Variants in PTPRT observed in about 807,000 individuals in gnomAD.
PTPRT encodes protein tyrosine phosphatase receptor type T.
In PTPRT, 56 loss-of-function variants were observed where a neutral mutation model predicts 176.8. The ratio of observed to expected loss-of-function variants is 0.32; its 90% CI spans 0.26 to 0.40. The LOEUF (loss-of-function observed/expected upper bound fraction) is 0.40, where lower values mean the gene tolerates loss of function less well. Among genes scored for constraint, PTPRT ranks in the 10% least tolerant of loss-of-function variants. PTPRT has a pLI of 1.00. For synonymous variants in PTPRT, 783 were observed against 739.0 expected, an observed-to-expected ratio of 1.06 and a Z score of -0.96; for missense variants, 1,540 against 1,908.2, an observed-to-expected ratio of 0.81 and a Z score of 3.60.
intron 1 of PTPRT, among the ~76,000 whole-genome samples, chr20:43,117,924 C>A (rs2013118710): frequency 6.6e-6 from 1 of 152,156 alleles, no homozygotes; most frequent in East Asian, 1.9e-4. Context: ...AACTAGATAG[C>A]ATCGACATTC....
chr20:42,788,712 C>A (rs978160541), intron 3 of PTPRT, among the ~76,000 whole-genome samples: 3 of 152,206 alleles, frequency 2.0e-5, no homozygotes, highest in Non-Finnish European at 4.4e-5. Context: ...CAAGGCATTA[C>A]AAGAGATAGC....
intron 1 of PTPRT, among the ~76,000 whole-genome samples, chr20:43,069,191 C>T (rs1485593989): frequency 6.6e-6 from 1 of 152,138 alleles, no homozygotes; most frequent in Non-Finnish European, 1.5e-5. Context: ...GAGCTCCCTT[C>T]CCAAAATTCA....
At chr20:42,103,921 T>A (rs1187835078) in intron 25 of PTPRT, among the ~76,000 whole-genome samples, 2 of 152,224 alleles carry the variant, frequency 1.3e-5, no homozygotes, top group African/African-American at 4.8e-5. Context: ...TGTTCTGGAA[T>A]AGATTCTGCA....
At chr20:42,091,784 GGAGAAAGAGA>G (rs1984644018) in intron 27 of PTPRT, among the ~76,000 whole-genome samples, 1 of 151,054 alleles carries the variant, frequency 6.6e-6, no homozygotes. Context: ...AGGGACAGAG[GGAGAAAGAGA>G]GGGAGAGAGA....
chr20:42,826,432 C>T (rs1327145383), intron 2 of PTPRT, among the ~76,000 whole-genome samples: 3 of 152,134 alleles, frequency 2.0e-5, no homozygotes, highest in East Asian at 3.9e-4. Flanking sequence ...AATTTTAGTG[C>T]CAATCTCTTA....
chr20:43,136,125 T>C (rs2013824060), intron 1 of PTPRT, among the ~76,000 whole-genome samples: 1 of 152,230 alleles, frequency 6.6e-6, no homozygotes, highest in Admixed American at 6.5e-5. Context: ...CCTGTTGCTA[T>C]GGCTCACCTG....
At chr20:42,446,212 A>C (rs2070730133) in intron 9 of PTPRT, among the ~76,000 whole-genome samples, 1 of 152,178 alleles carries the variant, frequency 6.6e-6, no homozygotes, top group Non-Finnish European at 1.5e-5. Context: ...GGGCTTTTCC[A>C]TGACAAAGTT....
downstream of PTPRT, among the ~76,000 whole-genome samples, chr20:42,070,142 C>T (rs1054420874): frequency 2.0e-5 from 3 of 152,064 alleles, no homozygotes; most frequent in Non-Finnish European, 4.4e-5. Context: ...TTGCCACCCC[C>T]AAACCCTGTC....
intron 1 of PTPRT, among the ~76,000 whole-genome samples, chr20:42,893,626 G>C (rs1343486760): frequency 6.6e-6 from 1 of 151,920 alleles, no homozygotes; most frequent in Non-Finnish European, 1.5e-5. Context: ...GTCCAACAAC[G>C]ATAGACTGGA....
In PTPRT at chr20:42,596,096, C is replaced by T. The variant is rs148590954; in HGVS notation, c.1153+81770G>A. On this transcript the variant is annotated intron_variant, in intron 7 of 30. Coordinates refer to ENST00000373187, the MANE Select transcript of PTPRT (RefSeq NM_007050.6). ...GGTAATAAAGGCAGGGCTGTGATCA[C>T]AAGAGAGGAGATACAGACTTCTTGG... is the stretch of plus-strand genomic sequence containing the variant. 2.1e-4 allele frequency among the ~76,000 whole-genome samples: 32 copies of T among 152,252 alleles called. No individual in the cohort carries two copies. The East Asian group carries it at 4.1e-3, about 19-fold the overall frequency.
intron 27 of PTPRT, among the ~76,000 whole-genome samples, chr20:42,091,100 A>G (rs1315595468): frequency 1.3e-5 from 2 of 152,224 alleles, no homozygotes; most frequent in Non-Finnish European, 2.9e-5. Context: ...AGAAATAATC[A>G]TGCTTCTTCC....
chr20:42,374,998 A>G (rs575800855), intron 9 of PTPRT, among the ~76,000 whole-genome samples: 6 of 152,380 alleles, frequency 3.9e-5, no homozygotes, highest in Admixed American at 3.9e-4. Flanking sequence ...TCTATTCCAG[A>G]AATTCCACCA....
chr20:42,507,193 C>T (rs904636500), intron 7 of PTPRT, among the ~76,000 whole-genome samples: 1 of 152,128 alleles, frequency 6.6e-6, no homozygotes, highest in East Asian at 1.9e-4. Context: ...ACCTATAGGG[C>T]TATGCTTATT....
intron 1 of PTPRT, among the ~76,000 whole-genome samples, chr20:42,980,697 A>G (rs1462267438): frequency 6.6e-6 from 1 of 152,162 alleles, no homozygotes; most frequent in Admixed American, 6.5e-5. Context: ...AAGCCTTGAC[A>G]TTCCTTCCCC....
At chr20:42,336,040 G>A (rs1488524864) in intron 11 of PTPRT, among the ~76,000 whole-genome samples, 1 of 152,032 alleles carries the variant, frequency 6.6e-6, no homozygotes, top group Non-Finnish European at 1.5e-5. Flanking sequence ...GGGTTTTGAC[G>A]ATAATCAACT....
chr20:42,073,026 T>C lies in PTPRT; in HGVS notation c.*7853A>G, dbSNP rs1183172617. ...CTGGCTTTTTTAAAAAGTTGATTTA[T>C]TTTGTTTTCTCTTCTCATACGTGCT... is the stretch of plus-strand genomic sequence containing the variant. On this transcript the variant is annotated 3_prime_UTR_variant, in exon 31 of 31. Coordinates refer to ENST00000373187, the MANE Select transcript of PTPRT (RefSeq NM_007050.6). The C allele has an allele frequency of 4.5e-6, 1 of 222,330 alleles. No homozygotes were observed. Among genetic ancestry groups the C allele is most frequent in the Non-Finnish European group, 9.0e-6 (1 of 110,962 alleles). The allele number at this position is 222,330 out of a possible 1,614,324, so 13.8% of individuals were successfully genotyped here. A position where few individuals can be genotyped will look rare whatever the true frequency, so the allele number is the denominator to read the frequency against.
At chr20:43,092,477 T>C (rs1225586735) in intron 1 of PTPRT, among the ~76,000 whole-genome samples, 1 of 152,244 alleles carries the variant, frequency 6.6e-6, no homozygotes, top group East Asian at 1.9e-4. Flanking sequence ...TTTGTAATAG[T>C]AACTGTGTTA....
At chr20:43,185,710 C>T (rs2015373420) in intron 1 of PTPRT, among the ~76,000 whole-genome samples, 1 of 152,070 alleles carries the variant, frequency 6.6e-6, no homozygotes, top group African/African-American at 2.4e-5. Context: ...GAGGTAGGCA[C>T]ATCACCTGAG....
intron 7 of PTPRT, among the ~76,000 whole-genome samples, chr20:42,676,697 T>G (rs1342728409): frequency 6.6e-6 from 1 of 152,198 alleles, no homozygotes; most frequent in Non-Finnish European, 1.5e-5. Flanking sequence ...TATTCCTTTG[T>G]GCATATATAA....
Sources: gnomAD v4.1 joint callset for allele counts (sites outside exome capture counted in the v4.1 genomes callset) on GRCh38, gnomAD v4.1.1 for gene constraint, MANE v1.5 for transcripts, NCBI Gene and HGNC (gene_info 2026-07-23, HGNC 2026-07-21) for gene names.